RAPGEF5: variants seen among roughly 807,000 people sequenced by gnomAD.
The protein encoded by RAPGEF5 is Rap guanine nucleotide exchange factor 5.
RAPGEF5 carries 65 observed loss-of-function variants against 125.2 expected under a neutral mutation model. That is an observed-to-expected ratio of 0.52 (90% CI 0.43 to 0.64). The LOEUF is 0.64. RAPGEF5 is among the 30% of genes least tolerant of loss of function. The probability of loss-of-function intolerance (pLI) is 0.00; values close to 1 mark genes in which losing one functional copy is unlikely to be tolerated. For missense variants in RAPGEF5, 958 were observed against 1,048.1 expected, an observed-to-expected ratio of 0.91 and a Z score of 1.19; for synonymous variants, 391 against 385.9, an observed-to-expected ratio of 1.01 and a Z score of -0.16.
intron 22 of RAPGEF5, 60 bp from the exon 23 acceptor site, chr7:22,136,185 T>C (rs924958469): frequency 3.9e-5 from 49 of 1,243,072 alleles, no homozygotes; most frequent in Non-Finnish European, 5.5e-5. Context: ...GAAACAATTC[T>C]AAATCCACCT....
chr7:22,258,624 C>CAAAAAAAAA (rs34352575), intron 7 of RAPGEF5, among the ~76,000 whole-genome samples: 6 of 45,806 alleles, frequency 1.3e-4, no homozygotes, highest in African/African-American at 3.5e-4. Context: ...AACTCCGTCT[C>CAAAAAAAAA]AAAAAAAAAA....
chr7:22,280,281 T>C lies in RAPGEF5; in HGVS notation c.747+10894A>G, dbSNP rs1302955164. On this transcript the variant is annotated intron_variant, in intron 6 of 25. Transcript: ENST00000665637. ...CAGTCAAGAAAGACCTTTCTTGATA[T>C]GGCGTCACTTCTCCCTAGCCTCTCA... 2.6e-5 allele frequency among the ~76,000 whole-genome samples: 4 copies of C among 152,172 alleles called. No homozygotes were observed. In the South Asian group the frequency reaches 8.3e-4, roughly 31 times the overall value.
intron 6 of RAPGEF5, among the ~76,000 whole-genome samples, chr7:22,276,217 T>C (rs1782551547): frequency 6.6e-6 from 1 of 152,224 alleles, no homozygotes; most frequent in Non-Finnish European, 1.5e-5. Context: ...CTTTTTTTGG[T>C]GTTTTCTGGT....
At chr7:22,275,239 T>C (rs1215480317) in intron 6 of RAPGEF5, among the ~76,000 whole-genome samples, 1 of 152,238 alleles carries the variant, frequency 6.6e-6, no homozygotes, top group East Asian at 1.9e-4. Flanking sequence ...AATTATAGCA[T>C]GTATCACACT....
At chr7:22,315,615 A>G (rs932430433) in intron 2 of RAPGEF5, 139 bp from the exon 3 acceptor site, 1 of 581,136 alleles carries the variant, frequency 1.7e-6, no homozygotes, top group African/African-American at 2.0e-5. Context: ...CCAAGTCCAT[A>G]AGGTTGAGAC....
At chr7:22,299,598 T>A (rs565940105) in intron 5 of RAPGEF5, among the ~76,000 whole-genome samples, 38 of 152,322 alleles carry the variant, frequency 2.5e-4, no homozygotes, top group African/African-American at 8.7e-4. Context: ...TATTCCTGAA[T>A]TTCCAACTTT....
At position 22,238,860 on chromosome 7, in the gene RAPGEF5, T is replaced by C. The variant is rs189486536; in HGVS notation, c.797-7941A>G. On this transcript the variant is annotated intron_variant, in intron 7 of 25. Transcript: ENST00000665637. ...ATGTCAGATAGTTTGCACAGAATTA[T>C]ACAGGAAGTGAGTAAAGGAGACAGT... is the stretch of plus-strand genomic sequence containing the variant. Among the ~76,000 whole-genome samples, 751 of 152,314 alleles carry C rather than the reference T, an allele frequency of 4.9e-3. 4 individuals are homozygous for C. Among genetic ancestry groups the C allele is most frequent in the South Asian group, 0.014 (68 of 4,822 alleles).
intron 1 of RAPGEF5, among the ~76,000 whole-genome samples, chr7:22,328,767 G>A (rs1184319030): frequency 6.6e-6 from 1 of 152,172 alleles, no homozygotes; most frequent in Non-Finnish European, 1.5e-5. Flanking sequence ...TGACTTATCA[G>A]ATGTGATGTT....
chr7:22,302,155 A>C (rs1783222144), intron 5 of RAPGEF5, among the ~76,000 whole-genome samples: 2 of 152,208 alleles, frequency 1.3e-5, no homozygotes, highest in South Asian at 4.1e-4. Flanking sequence ...AAATTCCACG[A>C]TCTTGTAATC....
At chr7:22,156,278 A>C (rs955359959) in intron 16 of RAPGEF5, among the ~76,000 whole-genome samples, 4 of 152,236 alleles carry the variant, frequency 2.6e-5, no homozygotes, top group African/African-American at 9.6e-5. Flanking sequence ...AATATTTCTT[A>C]TTTCACGCAA....
chr7:22,163,610 G>C (rs1455090571), intron 12 of RAPGEF5, among the ~76,000 whole-genome samples: 1 of 152,166 alleles, frequency 6.6e-6, no homozygotes, highest in Non-Finnish European at 1.5e-5. Flanking sequence ...ATGACCATAT[G>C]TAAATTATGC....
At chr7:22,328,363 G>C (rs546191738) in intron 1 of RAPGEF5, among the ~76,000 whole-genome samples, 1 of 152,356 alleles carries the variant, frequency 6.6e-6, no homozygotes, top group Non-Finnish European at 1.5e-5. Flanking sequence ...TGGGAGTCTG[G>C]AAGAGCTAAA....
chr7:22,185,831 T>C (rs1017336362), intron 11 of RAPGEF5, among the ~76,000 whole-genome samples: 1 of 152,164 alleles, frequency 6.6e-6, no homozygotes, highest in African/African-American at 2.4e-5. Flanking sequence ...TTTTTTTTTA[T>C]TAGCATGTAT....
chr7:22,155,862 G>A (rs960302192), intron 16 of RAPGEF5, among the ~76,000 whole-genome samples: 1 of 152,194 alleles, frequency 6.6e-6, no homozygotes, highest in Non-Finnish European at 1.5e-5. Flanking sequence ...AAGAGTCTGG[G>A]GGCCTCGAAA....
In RAPGEF5 at chr7:22,186,364, A is replaced by C. The variant is rs112861691; in HGVS notation, c.1204+7003T>G. On this transcript the variant is annotated intron_variant, in intron 11 of 25. Coordinates refer to ENST00000665637, the MANE Select transcript of RAPGEF5 (RefSeq NM_012294.5). ...TTCTTTTGATTCTGAACTTCGTTGC[A>C]TTTGACCAGAAGTTTCACATTAATT... Among the ~76,000 whole-genome samples, 134 of 152,314 alleles carry C rather than the reference A, an allele frequency of 8.8e-4. 1 individual carries two copies. Among genetic ancestry groups the C allele is most frequent in the African/African-American group, 3.2e-3 (133 of 41,570 alleles).
At chr7:22,285,077 A>T (rs1437165183) in intron 6 of RAPGEF5, among the ~76,000 whole-genome samples, 1 of 152,196 alleles carries the variant, frequency 6.6e-6, no homozygotes, top group East Asian at 1.9e-4. Context: ...GGGCTAACTC[A>T]TTTGGCAACA....
intron 5 of RAPGEF5, among the ~76,000 whole-genome samples, chr7:22,305,292 C>T (rs1419767): frequency 0.31 from 47,736 of 152,076 alleles, 7,511 homozygotes; most frequent in African/African-American, 0.34. Context: ...ATTCATTCTC[C>T]ACAATCAACC....
At chr7:22,298,793 A>G (rs1783127056) in intron 5 of RAPGEF5, 1 of 152,250 alleles carries the variant, frequency 6.6e-6, no homozygotes. Flanking sequence ...TTACTTTAGT[A>G]TACATAATTC....
At chr7:22,199,858 G>A (rs1485822681) in intron 9 of RAPGEF5, among the ~76,000 whole-genome samples, 2 of 152,106 alleles carry the variant, frequency 1.3e-5, no homozygotes, top group East Asian at 3.9e-4. Context: ...ATTTAAAGAA[G>A]TGCTAACAGC....
Sources: allele counts gnomAD v4.1 joint callset (sites outside exome capture counted in the v4.1 genomes callset), GRCh38; gene constraint gnomAD v4.1.1; transcripts MANE v1.5; gene names NCBI Gene and HGNC (gene_info 2026-07-23, HGNC 2026-07-21).